Variants in ADAM22 observed in about 807,000 individuals in gnomAD.
ADAM22 encodes disintegrin and metalloproteinase domain-containing protein 22.
Under a neutral mutation model 144.6 loss-of-function variants are expected in ADAM22, and 65 were observed. That is an observed-to-expected ratio of 0.45 (90% CI 0.37 to 0.55). The LOEUF (loss-of-function observed/expected upper bound fraction) is 0.55, where lower values mean the gene tolerates loss of function less well. ADAM22 is among the 20% of genes least tolerant of loss of function. The probability of loss-of-function intolerance (pLI) is 0.00; values close to 1 mark genes in which losing one functional copy is unlikely to be tolerated. For synonymous variants in ADAM22, 391 were observed against 412.6 expected (o/e 0.95, Z 0.63); for missense variants, 974 against 1,184.9 (o/e 0.82, Z 2.61).
At chr7:88,017,779 G>C (rs1563034316) in intron 3 of ADAM22, among the ~76,000 whole-genome samples, 1 of 146,208 alleles carries the variant, frequency 6.8e-6, no homozygotes, top group Non-Finnish European at 1.5e-5. Context: ...GCATATGTGT[G>C]TGTGTATATA....
rs1820149444 is a variant in ADAM22 at position 88,092,423 on chromosome 7, GT to G, written c.391-15750del. On this transcript the variant is annotated intron_variant, in intron 4 of 31. Transcript: ENST00000413139. ...ATGTAATATCAGTTATTCCAGATATGTTTCCTAACTTTACATGTAACATCAG... is the reference window on the plus strand; with the variant it reads ...ATGTAATATCAGTTATTCCAGATATGTTCCTAACTTTACATGTAACATCAG... Among the ~76,000 whole-genome samples the G allele has an allele frequency of 2.6e-5, 4 of 152,282 alleles. No individual in the cohort carries two copies. In the East Asian group the frequency reaches 7.7e-4, roughly 29 times the overall value.
At chr7:87,958,174 G>T (rs1847226231) in intron 2 of ADAM22, among the ~76,000 whole-genome samples, 2 of 151,888 alleles carry the variant, frequency 1.3e-5, no homozygotes, top group African/African-American at 4.8e-5. Context: ...ATACACATTT[G>T]ACATTGGCAT....
At chr7:88,164,155 T>C (rs2129529976) in intron 23 of ADAM22, among the ~76,000 whole-genome samples, 1 of 152,258 alleles carries the variant, frequency 6.6e-6, no homozygotes, top group African/African-American at 2.4e-5. Flanking sequence ...CAAGTCTTCT[T>C]TTCTTAATCT....
intron 3 of ADAM22, among the ~76,000 whole-genome samples, chr7:88,064,134 G>T (rs1305694745): frequency 1.3e-5 from 2 of 152,164 alleles, no homozygotes; most frequent in Non-Finnish European, 1.5e-5. Context: ...ATGTAGCCAA[G>T]AAAATATTGG....
At chr7:87,990,087 A>C (rs766277735) in intron 3 of ADAM22, among the ~76,000 whole-genome samples, 4 of 152,048 alleles carry the variant, frequency 2.6e-5, no homozygotes, top group Non-Finnish European at 5.9e-5. Context: ...TCCATCCATC[A>C]AGTGTATATA....
At chr7:87,986,544 A>G (rs1179856960) in intron 3 of ADAM22, among the ~76,000 whole-genome samples, 2 of 152,158 alleles carry the variant, frequency 1.3e-5, no homozygotes, top group South Asian at 4.1e-4. Flanking sequence ...GGGACTAGAG[A>G]CTTACAGGAT....
intron 2 of ADAM22, among the ~76,000 whole-genome samples, chr7:87,942,859 A>T (rs1057465671): frequency 8.5e-5 from 13 of 152,270 alleles, no homozygotes; most frequent in African/African-American, 3.1e-4. Flanking sequence ...ATTAATTGCT[A>T]AGCAGGGATC....
chr7:87,944,935 G>GT (rs1041647683), intron 2 of ADAM22, among the ~76,000 whole-genome samples: 1 of 137,830 alleles, frequency 7.3e-6, no homozygotes, highest in Non-Finnish European at 1.5e-5. Flanking sequence ...ATATGTGTGT[G>GT]TTTTTTTCTT....
At chr7:88,006,305 C>T (rs867218284) in intron 3 of ADAM22, among the ~76,000 whole-genome samples, 198 of 152,164 alleles carry the variant, frequency 1.3e-3, no homozygotes, top group Middle Eastern at 6.8e-3. Context: ...GATTCACAGC[C>T]GAATTCTACC....
rs112765207 is a variant in ADAM22, at chr7:88,053,303, T to TA, written c.324-22310dup. Among the ~76,000 whole-genome samples the TA allele has an allele frequency of 1.5e-3, 213 of 143,362 alleles. 1 individual carries two copies. The Middle Eastern group carries it at 0.022, about 15-fold the overall frequency. The allele number at this position is 143,362 out of a possible 152,430, so 94.1% of individuals were successfully genotyped here. A position where few individuals can be genotyped will look rare whatever the true frequency, so the allele number is the denominator to read the frequency against. ...CAACATAGCAAGACACCCTCTCCGC[T>TA]AAAAAAAAAAAAATTTAGCTGGGCA... On this transcript the variant is annotated intron_variant, in intron 3 of 31. Coordinates refer to ENST00000413139, the MANE Select transcript of ADAM22 (RefSeq NM_001324418.2).
intron 22 of ADAM22, among the ~76,000 whole-genome samples, chr7:88,161,473 CTAAT>C (rs1437098205): frequency 1.3e-5 from 2 of 152,096 alleles, no homozygotes; most frequent in African/African-American, 2.4e-5. Flanking sequence ...CAAATGGAAT[CTAAT>C]TAAACTAAAG....
intron 2 of ADAM22, among the ~76,000 whole-genome samples, chr7:87,972,428 A>G (rs1443850565): frequency 1.3e-5 from 2 of 152,012 alleles, no homozygotes; most frequent in Non-Finnish European, 2.9e-5. Context: ...TCAATGAAAT[A>G]AAAGAGGATA....
intron 4 of ADAM22, among the ~76,000 whole-genome samples, chr7:88,097,178 G>A (rs190786559): frequency 2.5e-3 from 351 of 140,388 alleles, no homozygotes; most frequent in African/African-American, 9.0e-3. Context: ...TTGAGACAGA[G>A]TCTCACTCTG....
rs1458268856 is a variant in ADAM22 at position 88,178,999 on chromosome 7, C to T, written c.2365C>T (p.Pro789Ser). 1 of 1,613,150 alleles carries T rather than the reference C, an allele frequency of 6.2e-7. No homozygotes were observed. The highest frequency in any genetic ancestry group is 8.5e-7 in the Non-Finnish European group (1 of 1,179,450). ...TGGTGACTCTTTTTATAGCGACATT[C>T]CTCCCGGAGTCAGCACAAACTCAGC... ...GDGDSFYSDI[P>S]PGVSTNSASS... is the part of the protein sequence containing the mutation. The change falls in exon 27 of 32, where the codon CCT becomes TCT. Residue 789 changes from proline (P) to serine (S), a missense_variant. This residue lies in a region of ADAM22 where 734 missense variants were observed against 950.6 expected (regional missense o/e 0.77). Coordinates refer to ENST00000413139, the MANE Select transcript of ADAM22 (RefSeq NM_001324418.2).
intron 2 of ADAM22, among the ~76,000 whole-genome samples, chr7:87,941,971 G>C (rs543796071): frequency 1.3e-5 from 2 of 152,284 alleles, no homozygotes; most frequent in East Asian, 3.9e-4. Context: ...CTTGGAGAGA[G>C]GCCTGCTTTT....
At chr7:88,138,338 T>C (rs1833558460) in intron 14 of ADAM22, among the ~76,000 whole-genome samples, 1 of 152,216 alleles carries the variant, frequency 6.6e-6, no homozygotes. Context: ...GTTTAATAGA[T>C]AATCTGCATA....
intron 3 of ADAM22, among the ~76,000 whole-genome samples, chr7:88,001,938 C>A (rs1351547425): frequency 6.6e-6 from 1 of 151,922 alleles, no homozygotes. Flanking sequence ...TAACCATGGC[C>A]ATGCTGTGTC....
At chr7:88,039,260 G>A (rs558461786) in intron 3 of ADAM22, among the ~76,000 whole-genome samples, 39 of 150,596 alleles carry the variant, frequency 2.6e-4, no homozygotes, top group African/African-American at 8.5e-4. Flanking sequence ...TGGCTAACAC[G>A]GTGAAACCCC....
At chr7:88,059,565 C>T (rs1438472385) in intron 3 of ADAM22, among the ~76,000 whole-genome samples, 1 of 152,160 alleles carries the variant, frequency 6.6e-6, no homozygotes, top group Non-Finnish European at 1.5e-5. Flanking sequence ...CACCTGTACT[C>T]ATATGTTCAA....
Sources: gnomAD v4.1 joint callset for allele counts (sites outside exome capture counted in the v4.1 genomes callset) on GRCh38, gnomAD v4.1.1 for gene constraint, gnomAD v4.1.1 regional missense constraint, MANE v1.5 for transcripts, NCBI Gene and HGNC (gene_info 2026-07-23, HGNC 2026-07-21) for gene names.